The following TENM2 variants were observed in gnomAD, a reference collection of about 807,000 sequenced individuals.
The protein encoded by TENM2 is teneurin-2.
Under a neutral mutation model 245.2 loss-of-function variants are expected in TENM2, and 52 were observed. The ratio of observed to expected loss-of-function variants is 0.21; its 90% CI spans 0.17 to 0.27. The LOEUF is 0.27. Among genes scored for constraint, TENM2 ranks in the 10% least tolerant of loss-of-function variants. The pLI, the probability that TENM2 is intolerant of heterozygous loss-of-function variation, is 1.00. For synonymous variants in TENM2, 1,363 were observed against 1,438.9 expected (o/e 0.95, Z 1.19); for missense variants, 3,046 against 3,666.8 (o/e 0.83, Z 4.37).
intron 2 of TENM2, among the ~76,000 whole-genome samples, chr5:167,851,163 G>A (rs556708505): frequency 6.6e-6 from 1 of 152,148 alleles, no homozygotes; most frequent in South Asian, 2.1e-4. Context: ...AAGCTTAACT[G>A]GGGGGTTGTT....
At chr5:167,305,037 G>T (rs1053965164) in intron 1 of TENM2, among the ~76,000 whole-genome samples, 1 of 152,128 alleles carries the variant, frequency 6.6e-6, no homozygotes, top group Admixed American at 6.5e-5. Context: ...TAGCCAGTCT[G>T]AAGGCCCTTC....
intron 5 of TENM2, among the ~76,000 whole-genome samples, chr5:168,028,751 C>T (rs1372925595): frequency 1.3e-5 from 2 of 149,220 alleles, no homozygotes; most frequent in African/African-American, 2.5e-5. Flanking sequence ...GTCCCTAAAT[C>T]GAGCAGGGTT....
At chr5:167,057,255 G>A in the TENM2 span, among the ~76,000 whole-genome samples, 1 of 151,964 alleles carries the variant, frequency 6.6e-6, no homozygotes, top group Non-Finnish European at 1.5e-5. Flanking sequence ...TACTTTTTCT[G>A]TTAAGATCCT....
At chr5:167,318,293 A>G (rs1031330208) in intron 1 of TENM2, among the ~76,000 whole-genome samples, 1 of 152,236 alleles carries the variant, frequency 6.6e-6, no homozygotes, top group Non-Finnish European at 1.5e-5. Context: ...TAACCATTTC[A>G]GAATAGGGAA....
chr5:168,200,681 G>T (rs1186967064), intron 17 of TENM2, among the ~76,000 whole-genome samples: 1 of 152,162 alleles, frequency 6.6e-6, no homozygotes, highest in East Asian at 1.9e-4. Flanking sequence ...AACAGGGTTT[G>T]AGGAGATCAG....
intron 12 of TENM2, among the ~76,000 whole-genome samples, chr5:168,136,737 C>G (rs926117283): frequency 2.0e-5 from 3 of 152,206 alleles, no homozygotes; most frequent in African/African-American, 7.2e-5. Flanking sequence ...GGCTCTCAAC[C>G]CAGGGTAGTG....
At chr5:167,001,967 TATC>T in the TENM2 span, among the ~76,000 whole-genome samples, 7 of 152,214 alleles carry the variant, frequency 4.6e-5, no homozygotes, top group African/African-American at 1.7e-4. Context: ...ATTTAATTCA[TATC>T]ATATAAAATT....
chr5:168,095,608 T>C (rs1581281473), intron 8 of TENM2, among the ~76,000 whole-genome samples: 1 of 152,212 alleles, frequency 6.6e-6, no homozygotes, highest in African/African-American at 2.4e-5. Flanking sequence ...TTCTCTATTA[T>C]TGTGCAAAGC....
At chr5:167,444,084 A>G (rs952736455) in intron 2 of TENM2, among the ~76,000 whole-genome samples, 1 of 152,144 alleles carries the variant, frequency 6.6e-6, no homozygotes, top group African/African-American at 2.4e-5. Flanking sequence ...TTATGGTGGT[A>G]GATAAGTAAG....
chr5:167,369,507 T>G (rs1265389903), intron 1 of TENM2, among the ~76,000 whole-genome samples: 1 of 152,110 alleles, frequency 6.6e-6, no homozygotes, highest in East Asian at 1.9e-4. Context: ...TTCCCAAGCT[T>G]TACAATCTAA....
rs543174946 is a variant in TENM2 at position 167,851,066 on chromosome 5, C to T, written c.503-24920C>T. 2.0e-5 allele frequency among the ~76,000 whole-genome samples: 3 copies of T among 152,260 alleles called. No homozygotes were observed. In the South Asian group the frequency reaches 6.2e-4, roughly 32 times the overall value. ...GGAACCCAGCAGCAAAGAGCAAAGC[C>T]TTGAAACCTACTTATGAAGAAATGT... On this transcript the variant is annotated intron_variant, in intron 2 of 28. Transcript: ENST00000518659.
the TENM2 span, chr5:167,119,559 C>A: frequency 6.6e-6 from 1 of 152,214 alleles, no homozygotes; most frequent in African/African-American, 2.4e-5. Context: ...GAGGAGTGCT[C>A]CACTTGGTGG....
chr5:167,622,345 TA>T (rs1778230664), intron 2 of TENM2, among the ~76,000 whole-genome samples: 1 of 152,130 alleles, frequency 6.6e-6, no homozygotes, highest in Non-Finnish European at 1.5e-5. Context: ...TGCCATGCTT[TA>T]AAAGCTCATG....
chr5:167,450,861 A>G (rs1044764254), intron 2 of TENM2, among the ~76,000 whole-genome samples: 20 of 152,100 alleles, frequency 1.3e-4, no homozygotes, highest in African/African-American at 4.1e-4. Context: ...AAAGCTAAGG[A>G]TGTTTCTCTG....
At chr5:167,485,614 A>T (rs1768012071) in intron 2 of TENM2, among the ~76,000 whole-genome samples, 1 of 152,102 alleles carries the variant, frequency 6.6e-6, no homozygotes, top group African/African-American at 2.4e-5. Flanking sequence ...CTACTGAGAG[A>T]TCGTCTCATA....
chr5:167,381,696 A>C (rs1410037178), intron 2 of TENM2, among the ~76,000 whole-genome samples: 1 of 152,124 alleles, frequency 6.6e-6, no homozygotes, highest in Non-Finnish European at 1.5e-5. Context: ...TTAAGGTCTG[A>C]CTTAGCCTTT....
chr5:168,181,019 C>A (rs1759831575), intron 13 of TENM2, among the ~76,000 whole-genome samples: 1 of 152,220 alleles, frequency 6.6e-6, no homozygotes, highest in South Asian at 2.1e-4. Flanking sequence ...AGCACACCTT[C>A]AGCAACGCTG....
At chr5:167,344,574 G>T (rs1758347318) in intron 1 of TENM2, among the ~76,000 whole-genome samples, 2 of 151,992 alleles carry the variant, frequency 1.3e-5, no homozygotes, top group African/African-American at 2.4e-5. Flanking sequence ...TCCTTTAAAT[G>T]ATACCAAAAA....
intron 19 of TENM2, among the ~76,000 whole-genome samples, chr5:168,208,170 G>A (rs747472316): frequency 5.9e-4 from 90 of 152,258 alleles, no homozygotes; most frequent in Admixed American, 1.2e-3. Flanking sequence ...TCAATATGAG[G>A]CAGTAAATTA....
Sources: gnomAD v4.1 joint callset for allele counts (sites outside exome capture counted in the v4.1 genomes callset) on GRCh38, gnomAD v4.1.1 for gene constraint, MANE v1.5 for transcripts, NCBI Gene and HGNC (gene_info 2026-07-23, HGNC 2026-07-21) for gene names.